The following TIMP2 variants were observed in gnomAD, a reference collection of about 807,000 sequenced individuals.
The protein encoded by TIMP2 is metalloproteinase inhibitor 2.
Under a neutral mutation model 24.3 loss-of-function variants are expected in TIMP2, and 5 were observed. The observed-to-expected ratio is 0.21, with a 90% CI of 0.11 to 0.43. The LOEUF (loss-of-function observed/expected upper bound fraction) is 0.43. TIMP2 is among the 20% of genes least tolerant of loss of function. The pLI, the probability that TIMP2 is intolerant of heterozygous loss-of-function variation, is 1.00. For synonymous variants in TIMP2, 130 were observed against 123.2 expected (o/e 1.06, Z -0.37); for missense variants, 221 against 297.5 (o/e 0.74, Z 1.89).
At chr17:78,874,779 C>T (rs1320395283) in intron 1 of TIMP2, among the ~76,000 whole-genome samples, 2 of 148,868 alleles carry the variant, frequency 1.3e-5, no homozygotes, top group East Asian at 4.0e-4. Flanking sequence ...CTCACTCTGT[C>T]GTCCAGGCTA....
chr17:78,870,582 T>C (rs1409170819), intron 3 of TIMP2, among the ~76,000 whole-genome samples: 1 of 152,076 alleles, frequency 6.6e-6, no homozygotes, highest in Non-Finnish European at 1.5e-5. Flanking sequence ...CTTTTGGCCC[T>C]CCCGACGGCA....
intron 1 of TIMP2, among the ~76,000 whole-genome samples, chr17:78,888,221 G>A (rs1442721153): frequency 2.7e-4 from 39 of 146,800 alleles, no homozygotes; most frequent in African/African-American, 8.9e-4. Context: ...GTGCAGTGGC[G>A]CAATCTTGGC....
intron 2 of TIMP2, among the ~76,000 whole-genome samples, chr17:78,872,493 C>T (rs954213463): frequency 2.6e-4 from 40 of 152,026 alleles, no homozygotes; most frequent in African/African-American, 9.7e-4. Context: ...TGTTTTTTTC[C>T]CCCCGAAGAG....
chr17:78,918,840 A>T (rs2070285785), intron 1 of TIMP2, among the ~76,000 whole-genome samples: 1 of 152,044 alleles, frequency 6.6e-6, no homozygotes, highest in South Asian at 2.1e-4. Context: ...CTCTACAAAA[A>T]ATTAAAAAAA....
In TIMP2 at chr17:78,873,176, G is replaced by A. The variant is rs183064413; in HGVS notation, c.231+643C>T. 2.6e-5 allele frequency among the ~76,000 whole-genome samples: 4 copies of A among 152,060 alleles called. No homozygotes were observed. The East Asian group carries it at 7.7e-4, about 29-fold the overall frequency. On this transcript the variant is annotated intron_variant, in intron 2 of 4. Transcript: ENST00000262768. Reference sequence around the variant, plus strand: ...ACTACAACTACCACCATATCACACGGCTGTCCCTCCACCTGCGACATGAAT... The same window carrying A: ...ACTACAACTACCACCATATCACACGACTGTCCCTCCACCTGCGACATGAAT...
intron 3 of TIMP2, among the ~76,000 whole-genome samples, chr17:78,857,941 A>C (rs866656685): frequency 1.3e-4 from 20 of 152,024 alleles, no homozygotes; most frequent in Admixed American, 2.6e-4. Context: ...GTGGTGTCAC[A>C]CGCCTGTAAT....
chr17:78,875,734 C>G (rs533035830), intron 1 of TIMP2, among the ~76,000 whole-genome samples: 1 of 152,148 alleles, frequency 6.6e-6, no homozygotes. Context: ...CCCAGCCCCA[C>G]CCCACGTGGT....
Position 78,883,940 on chromosome 17 carries a change from C to A in TIMP2, c.131-10021G>T, listed in dbSNP as rs557633357. On this transcript the variant is annotated intron_variant, in intron 1 of 4. Transcript: ENST00000262768. ...TCATGCCAGAGCCTCCGGCTCGGCC[C>A]TTCCCATTCACGTGCTGCTGAATCA... Among the ~76,000 whole-genome samples, 10 of 152,358 alleles carry A rather than the reference C, an allele frequency of 6.6e-5. No homozygotes were observed. In the Middle Eastern group the frequency reaches 0.01, roughly 155 times the overall value.
intron 3 of TIMP2, among the ~76,000 whole-genome samples, chr17:78,861,190 A>G (rs371857063): frequency 5.3e-5 from 8 of 152,166 alleles, no homozygotes; most frequent in African/African-American, 1.7e-4. Context: ...TGGCGCCCAT[A>G]CAGGTATACC....
intron 1 of TIMP2, among the ~76,000 whole-genome samples, chr17:78,906,782 C>T (rs1169532633): frequency 6.6e-6 from 1 of 152,016 alleles, no homozygotes. Context: ...GGGGTTTTAC[C>T]ATGTTGGCCA....
In TIMP2 at chr17:78,891,247, G is replaced by A. The variant is rs1485151598; in HGVS notation, c.131-17328C>T. 4 of 1,550,496 alleles carry A rather than the reference G, an allele frequency of 2.6e-6. No homozygotes were observed. The highest frequency in any genetic ancestry group is 2.7e-5 in the African/African-American group (2 of 73,018). ...CCATGAACGTTTTCAAGTCGGTCTT[G>A]GACGCTGCCTGCTGCGCCTCCTCCT... On this transcript the variant is annotated intron_variant, in intron 1 of 4. Transcript: ENST00000262768. The surrounding 1 kb of genome is among the most constrained non-coding windows in gnomAD (Gnocchi z 4.5).
intron 1 of TIMP2, among the ~76,000 whole-genome samples, chr17:78,906,020 G>A (rs1386668440): frequency 6.6e-6 from 1 of 152,164 alleles, no homozygotes; most frequent in African/African-American, 2.4e-5. Flanking sequence ...ACATTGTACA[G>A]TAGCCCAGTA....
rs905694240 is a variant in TIMP2, at chr17:78,924,315, C to G, written c.130+644G>C. On this transcript the variant is annotated intron_variant, in intron 1 of 4. Transcript: ENST00000262768. This position sits in a 1 kb window ranked among gnomAD's most constrained non-coding sequence, Gnocchi z 5.3. The stretch of plus-strand genomic sequence containing the variant: ...GAAAAAGCGGAACATTCGGGGGTCC[C>G]GGTCCCTGCCCAGCCAGTTTGCAGG... 2.0e-5 allele frequency among the ~76,000 whole-genome samples: 3 copies of G among 152,182 alleles called. No individual in the cohort carries two copies. The highest frequency in any genetic ancestry group is 4.4e-5 in the Non-Finnish European group (3 of 68,036).
At chr17:78,918,166 G>GT (rs2070279945) in intron 1 of TIMP2, among the ~76,000 whole-genome samples, 2 of 152,100 alleles carry the variant, frequency 1.3e-5, no homozygotes, top group South Asian at 2.1e-4. Context: ...CTGGCTGGGT[G>GT]TTCACACACT....
intron 4 of TIMP2, 187 bp downstream of exon 4, chr17:78,857,335 A>C: frequency 1.4e-6 from 1 of 737,286 alleles, no homozygotes; most frequent in Non-Finnish European, 2.2e-6. Flanking sequence ...TCCAGGGACC[A>C]GGGGTCAAAG....
intron 1 of TIMP2, among the ~76,000 whole-genome samples, chr17:78,911,676 C>T (rs923731501): frequency 6.6e-6 from 1 of 151,922 alleles, no homozygotes; most frequent in African/African-American, 2.4e-5. Flanking sequence ...AGTGATCCGC[C>T]CACCTTGGCC....
At chr17:78,890,180 G>A (rs912489033) in intron 1 of TIMP2, among the ~76,000 whole-genome samples, 3 of 151,444 alleles carry the variant, frequency 2.0e-5, no homozygotes, top group Non-Finnish European at 4.4e-5. Context: ...ATGTGCCCTG[G>A]AGGACGGTAT....
chr17:78,879,424 A>G (rs2069758772), intron 1 of TIMP2, among the ~76,000 whole-genome samples: 1 of 152,172 alleles, frequency 6.6e-6, no homozygotes, highest in East Asian at 1.9e-4. Flanking sequence ...GAAGAGACAT[A>G]AGGAATCTGG....
chr17:78,899,985 A>T (rs924959283), intron 1 of TIMP2: 7 of 152,214 alleles, frequency 4.6e-5, no homozygotes, highest in Admixed American at 2.0e-4. Context: ...ACCCTTTCAT[A>T]TGGAAAGTTA....
Sources: allele counts gnomAD v4.1 joint callset (sites outside exome capture counted in the v4.1 genomes callset), GRCh38; gene constraint gnomAD v4.1.1; non-coding constraint Gnocchi (gnomAD v3.1); transcripts MANE v1.5; gene names NCBI Gene and HGNC (gene_info 2026-07-23, HGNC 2026-07-21).